Variants in CHN2 observed in about 807,000 individuals in gnomAD.
The protein encoded by CHN2 is beta-chimaerin.
CHN2 carries 35 observed loss-of-function variants against 56.3 expected under a neutral mutation model. The ratio of observed to expected loss-of-function variants is 0.62; its 90% confidence interval spans 0.47 to 0.82. CHN2 has a LOEUF of 0.82. Among genes scored for constraint, CHN2 ranks in the 40% least tolerant of loss-of-function variants. The probability of loss-of-function intolerance (pLI) is 0.00; values close to 1 mark genes in which losing one functional copy is unlikely to be tolerated. For missense variants in CHN2, 491 were observed against 580.5 expected (o/e 0.85, Z 1.58); for synonymous variants, 210 against 212.8 (o/e 0.99, Z 0.12).
rs542813406 is a variant in CHN2, at chr7:29,474,042, C to T, written c.577-6237C>T. Among the ~76,000 whole-genome samples, 22 of 152,174 alleles carry T rather than the reference C, an allele frequency of 1.4e-4. 1 individual carries two copies. In the South Asian group the frequency reaches 4.6e-3, roughly 32 times the overall value. On this transcript the variant is annotated intron_variant, in intron 6 of 12. Coordinates refer to ENST00000222792, the MANE Select transcript of CHN2 (RefSeq NM_004067.4). Reference sequence around the variant, plus strand: ...TTTTTCCACCCAGAAGTAACTGTTGCTTATCTTCAGCAGTTTGAGTGAATG... The same window carrying T: ...TTTTTCCACCCAGAAGTAACTGTTGTTTATCTTCAGCAGTTTGAGTGAATG...
At chr7:29,171,397 G>T (rs777506271) in intron 2 of CHN2, among the ~76,000 whole-genome samples, 14 of 152,106 alleles carry the variant, frequency 9.2e-5, no homozygotes, top group Non-Finnish European at 1.6e-4. Flanking sequence ...AATAAACAAC[G>T]GCATTAGCCA....
At chr7:29,191,266 C>T (rs1337237166), upstream of CHN2, among the ~76,000 whole-genome samples, 2 of 152,086 alleles carry the variant, frequency 1.3e-5, no homozygotes, top group Non-Finnish European at 2.9e-5. Flanking sequence ...AAATATATAC[C>T]AAAAGTACCA....
At chr7:29,413,349 G>C (rs1007314563) in intron 6 of CHN2, among the ~76,000 whole-genome samples, 7 of 152,208 alleles carry the variant, frequency 4.6e-5, no homozygotes, top group African/African-American at 1.7e-4. Flanking sequence ...TTAGAAGTAA[G>C]ACACAGAACT....
chr7:29,173,679 A>C (rs1243451509), intron 2 of CHN2, among the ~76,000 whole-genome samples: 1 of 151,950 alleles, frequency 6.6e-6, no homozygotes, highest in African/African-American at 2.4e-5. Flanking sequence ...TATTTTTTTA[A>C]AAATAATGAA....
At chr7:29,241,184 C>G (rs1170589004) in intron 1 of CHN2, among the ~76,000 whole-genome samples, 2 of 152,132 alleles carry the variant, frequency 1.3e-5, no homozygotes, top group East Asian at 3.9e-4. Flanking sequence ...CAGTGCCTGG[C>G]CTAGACTTTT....
At chr7:29,359,284 G>A (rs1350693973) in intron 2 of CHN2, among the ~76,000 whole-genome samples, 1 of 152,148 alleles carries the variant, frequency 6.6e-6, no homozygotes, top group East Asian at 1.9e-4. Context: ...AGATGAAAAT[G>A]GATGCTGGGA....
chr7:29,370,523 G>A lies in CHN2; in HGVS notation c.144+2536G>A, dbSNP rs547451987. Among the ~76,000 whole-genome samples, 19 of 152,108 alleles carry A rather than the reference G, an allele frequency of 1.2e-4. No individual in the cohort carries two copies. The South Asian group carries it at 4.0e-3, about 32-fold the overall frequency. ...ATCTTCCTCTTCTACGCAGCTCTGG[G>A]CCCTTTTTCTTGGTCTTCAATCTAT... On this transcript the variant is annotated intron_variant, in intron 3 of 12. Transcript: ENST00000222792.
intron 5 of CHN2, among the ~76,000 whole-genome samples, chr7:29,399,083 A>G (rs1801995514): frequency 6.6e-6 from 1 of 152,228 alleles, no homozygotes; most frequent in Non-Finnish European, 1.5e-5. Flanking sequence ...CACCAGCAGT[A>G]TATCAGAGTT....
intron 2 of CHN2, among the ~76,000 whole-genome samples, chr7:29,358,127 A>G (rs1218534892): frequency 6.6e-6 from 1 of 152,198 alleles, no homozygotes; most frequent in Admixed American, 6.5e-5. Context: ...TAGACAAGTA[A>G]GTAGCTATGT....
At chr7:29,342,677 C>T (rs546683037) in intron 1 of CHN2, among the ~76,000 whole-genome samples, 2 of 152,190 alleles carry the variant, frequency 1.3e-5, no homozygotes, top group Non-Finnish European at 2.9e-5. Context: ...GAGCTAACCT[C>T]TTCAGGAAGG....
chr7:29,266,971 A>T (rs1374311103), intron 1 of CHN2, among the ~76,000 whole-genome samples: 1 of 152,180 alleles, frequency 6.6e-6, no homozygotes, highest in Non-Finnish European at 1.5e-5. Flanking sequence ...GAAGCCAAGG[A>T]CACTTTGTGT....
chr7:29,360,590 T>C (rs1430105695), intron 2 of CHN2, among the ~76,000 whole-genome samples: 1 of 152,128 alleles, frequency 6.6e-6, no homozygotes, highest in Non-Finnish European at 1.5e-5. Context: ...GAGGGTGGGG[T>C]TGAGCCAAGG....
At chr7:29,416,544 A>G (rs1461034726) in intron 6 of CHN2, among the ~76,000 whole-genome samples, 1 of 152,180 alleles carries the variant, frequency 6.6e-6, no homozygotes, top group East Asian at 1.9e-4. Context: ...AAGGTTTGTT[A>G]GTACACAGAG....
intron 1 of CHN2, among the ~76,000 whole-genome samples, chr7:29,308,430 G>A (rs1022493558): frequency 6.7e-6 from 1 of 150,110 alleles, no homozygotes; most frequent in Admixed American, 6.7e-5. Context: ...AATAAAGCAC[G>A]TGTCCCTCAC....
chr7:29,407,014 G>A (rs1236943447), intron 6 of CHN2, among the ~76,000 whole-genome samples: 1 of 152,090 alleles, frequency 6.6e-6, no homozygotes, highest in Non-Finnish European at 1.5e-5. Context: ...TTCACCAAGA[G>A]GGTGCCTCAG....
At chr7:29,447,450 T>C (rs530784884) in intron 6 of CHN2, among the ~76,000 whole-genome samples, 1 of 152,258 alleles carries the variant, frequency 6.6e-6, no homozygotes, top group East Asian at 1.9e-4. Flanking sequence ...GTGGGACAAC[T>C]TCAGACAGTC....
At chr7:29,209,838 A>G (rs546960182) in intron 1 of CHN2, among the ~76,000 whole-genome samples, 1 of 152,312 alleles carries the variant, frequency 6.6e-6, no homozygotes, top group Admixed American at 6.5e-5. Flanking sequence ...AATTGGAGAA[A>G]TAATTTCAGG....
rs11389974 is a variant in CHN2 at position 29,408,189 on chromosome 7, C to CAA, written c.576+7372_576+7373dup. Among the ~76,000 whole-genome samples the CAA allele has an allele frequency of 3.1e-3, 440 of 144,092 alleles. 2 individuals are homozygous for CAA. Among genetic ancestry groups the CAA allele is most frequent in the African/African-American group, 4.7e-3 (184 of 39,154 alleles). 94.5% of individuals were successfully genotyped at this position (144,092 alleles called of 152,430 possible). A position where few individuals can be genotyped will look rare whatever the true frequency, so the allele number is the denominator to read the frequency against. Reference sequence around the variant, plus strand: ...TGGACGGCGGAGTGAGACTCAGTATCAAAAAAAAAAAATAAATTAAATTAA... The same window carrying CAA: ...TGGACGGCGGAGTGAGACTCAGTATCAAAAAAAAAAAAAATAAATTAAATTAA... On this transcript the variant is annotated intron_variant, in intron 6 of 12. Transcript: ENST00000222792.
chr7:29,418,755 C>G lies in CHN2; in HGVS notation c.576+17927C>G, dbSNP rs181059259. Among the ~76,000 whole-genome samples, 44 of 152,296 alleles carry G rather than the reference C, an allele frequency of 2.9e-4. 1 individual carries two copies. Among genetic ancestry groups the G allele is most frequent in the Non-Finnish European group, 1.5e-4 (10 of 68,028 alleles). ...GTGGTCTCCTCCCTCGATTTTGGAACATGGAACTACCAGACCTGCCAGGAT... is the reference window on the plus strand; with the variant it reads ...GTGGTCTCCTCCCTCGATTTTGGAAGATGGAACTACCAGACCTGCCAGGAT... On this transcript the variant is annotated intron_variant, in intron 6 of 12. Transcript: ENST00000222792.
Sources: gnomAD v4.1 joint callset for allele counts (sites outside exome capture counted in the v4.1 genomes callset) on GRCh38, gnomAD v4.1.1 for gene constraint, MANE v1.5 for transcripts, NCBI Gene and HGNC (gene_info 2026-07-23, HGNC 2026-07-21) for gene names.